The following CHD9 variants were observed in gnomAD, a reference collection of about 807,000 sequenced individuals.
CHD9 encodes ATP-dependent chromatin remodeler CHD9.
CHD9 carries 77 observed loss-of-function variants against 316.1 expected under a neutral mutation model. That is an observed-to-expected ratio of 0.24 (90% CI 0.20 to 0.29). The LOEUF is 0.29. CHD9 is among the 10% of genes least tolerant of loss of function. CHD9 has a pLI of 1.00. For missense variants in CHD9, 2,763 were observed against 3,438.1 expected (o/e 0.80, Z 4.91); for synonymous variants, 1,129 against 1,158.3 (o/e 0.97, Z 0.51).
In CHD9 at chr16:53,286,272, C is replaced by T. The variant is rs781186973; in HGVS notation, c.5118C>T (p.Phe1706=). ...TTCGAGCAGACCCAGCATTATGCTTCTTGGAAAGAGTGGGAAAACCTGATG... is the reference window on the plus strand; with the variant it reads ...TTCGAGCAGACCCAGCATTATGCTTTTTGGAAAGAGTGGGAAAACCTGATG... ...NTIRADPALC[F]LERVGKPDEK... Residue 1706 remains phenylalanine (F), a synonymous_variant, in exon 26 of 39, where the codon TTC becomes TTT. Coordinates refer to ENST00000447540, the MANE Select transcript of CHD9 (RefSeq NM_001308319.2). The T allele has an allele frequency of 4.3e-6, 7 of 1,613,082 alleles. No individual in the cohort carries two copies. In the Admixed American group the frequency reaches 6.7e-5, roughly 15 times the overall value.
chr16:53,061,174 G>T (rs1416423647), intron 1 of CHD9, among the ~76,000 whole-genome samples: 1 of 151,992 alleles, frequency 6.6e-6, no homozygotes, highest in East Asian at 1.9e-4. Flanking sequence ...TGATTCACCC[G>T]CCTTGGCCTC....
intron 1 of CHD9, among the ~76,000 whole-genome samples, chr16:53,138,781 A>G (rs1198388297): frequency 6.6e-6 from 1 of 152,256 alleles, no homozygotes; most frequent in Non-Finnish European, 1.5e-5. Flanking sequence ...TTATGGGGAC[A>G]AACTACAGAG....
intron 2 of CHD9, among the ~76,000 whole-genome samples, chr16:53,189,807 T>C (rs993418931): frequency 5.9e-5 from 9 of 152,104 alleles, no homozygotes; most frequent in African/African-American, 2.2e-4. Context: ...TACAGGATGA[T>C]AGCGGAGGTA....
intron 2 of CHD9, chr16:53,169,298 A>C (rs1057462675): frequency 6.6e-6 from 1 of 152,248 alleles, no homozygotes; most frequent in African/African-American, 2.4e-5. Flanking sequence ...GGCCTCAAGC[A>C]GCCCTCCCAC....
chr16:53,116,185 G>A (rs541875344), intron 1 of CHD9, among the ~76,000 whole-genome samples: 116 of 152,206 alleles, frequency 7.6e-4, no homozygotes, highest in African/African-American at 2.6e-3. Context: ...TGAGCCTCCC[G>A]AGCAGCTGAG....
intron 1 of CHD9, among the ~76,000 whole-genome samples, chr16:53,092,617 C>T (rs1354809110): frequency 6.6e-6 from 1 of 152,140 alleles, no homozygotes; most frequent in Non-Finnish European, 1.5e-5. Context: ...CTAGCAAACT[C>T]TGTGTCTGTT....
intron 20 of CHD9, among the ~76,000 whole-genome samples, chr16:53,265,047 A>C (rs1263928561): frequency 6.6e-6 from 1 of 152,208 alleles, no homozygotes; most frequent in Non-Finnish European, 1.5e-5. Flanking sequence ...TAAAAAATTA[A>C]GGACTTTTCT....
At chr16:53,059,433 C>T (rs1025677762) in intron 1 of CHD9, among the ~76,000 whole-genome samples, 2 of 152,052 alleles carry the variant, frequency 1.3e-5, no homozygotes, top group African/African-American at 4.8e-5. Context: ...GTGAGACCCC[C>T]ACCTCTATCT....
rs747476980 is a variant in CHD9, at chr16:53,071,743, G to A, written c.-165+16666G>A. ...CACCCCTCGGTCCTGCTCACCCTGCGGGGATTTTGTTGTCTGTCTTTCTGG... is the reference window on the plus strand; with the variant it reads ...CACCCCTCGGTCCTGCTCACCCTGCAGGGATTTTGTTGTCTGTCTTTCTGG... On this transcript the variant is annotated intron_variant, in intron 1 of 38. Coordinates refer to ENST00000447540, the MANE Select transcript of CHD9 (RefSeq NM_001308319.2). Among the ~76,000 whole-genome samples, 4 of 152,156 alleles carry A rather than the reference G, an allele frequency of 2.6e-5. No individual in the cohort carries two copies. In the South Asian group the frequency reaches 6.2e-4, roughly 24 times the overall value.
At chr16:53,073,778 G>T (rs1287466999) in intron 1 of CHD9, among the ~76,000 whole-genome samples, 1 of 152,184 alleles carries the variant, frequency 6.6e-6, no homozygotes, top group Non-Finnish European at 1.5e-5. Flanking sequence ...CCATAATTCT[G>T]AGGCCTCCTC....
chr16:53,294,273 T>C (rs148177179), intron 29 of CHD9, among the ~76,000 whole-genome samples: 199 of 152,338 alleles, frequency 1.3e-3, no homozygotes, highest in African/African-American at 4.3e-3. Context: ...CTCTGGAAGA[T>C]ATATTGTTCT....
rs1303521176 is a variant in CHD9 at position 53,304,609 on chromosome 16, A to G, written c.6603A>G (p.Glu2201=). 3.2e-6 allele frequency: 5 copies of G among 1,548,120 alleles called. No individual in the cohort carries two copies. Among genetic ancestry groups the G allele is most frequent in the East Asian group, 2.4e-5 (1 of 40,860 alleles). ...SSSEESDSDE[E]EAQKRESTTH... Reference sequence around the variant, plus strand: ...CAGAAGAAAGTGACAGTGATGAAGAAGAAGCCCAAAAACGAGGTACTATGC... The same window carrying G: ...CAGAAGAAAGTGACAGTGATGAAGAGGAAGCCCAAAAACGAGGTACTATGC... The change falls in exon 31 of 39, where the codon GAA becomes GAG. Residue 2201 remains glutamate (E), a synonymous_variant. Transcript: ENST00000447540.
chr16:53,097,973 A>C (rs1247808706), intron 1 of CHD9, among the ~76,000 whole-genome samples: 1 of 151,790 alleles, frequency 6.6e-6, no homozygotes, highest in Non-Finnish European at 1.5e-5. Flanking sequence ...TACAAAAATT[A>C]GCCAGGTGTG....
chr16:53,255,854 T>G, intron 19 of CHD9, 75 bp downstream of exon 19: 1 of 1,331,200 alleles, frequency 7.5e-7, no homozygotes. Context: ...TAATTATCTC[T>G]TATACCGAAT....
At chr16:53,319,070 CTTGTT>C (rs1371110415) in intron 37 of CHD9, among the ~76,000 whole-genome samples, 1 of 152,134 alleles carries the variant, frequency 6.6e-6, no homozygotes, top group Non-Finnish European at 1.5e-5. Context: ...ACATAGATTT[CTTGTT>C]TTATGTTTGG....
chr16:53,055,349 C>T (rs73594414), intron 1 of CHD9, among the ~76,000 whole-genome samples: 8,926 of 152,214 alleles, frequency 0.059, 880 homozygotes, highest in African/African-American at 0.2. Context: ...GTCCTCGAAG[C>T]GGAAAGCAGC....
intron 17 of CHD9, among the ~76,000 whole-genome samples, chr16:53,251,175 T>A (rs1286703863): frequency 1.3e-5 from 2 of 152,182 alleles, no homozygotes; most frequent in Middle Eastern, 3.2e-3. Flanking sequence ...TTTGTCATAA[T>A]CCTTTAAAAA....
rs2152956476 is a variant in CHD9 at position 53,245,574 on chromosome 16, T to C, written c.3199-21T>C. Reference sequence around the variant, plus strand: ...TAAATGCTCACTTATGTTATATGTCTTTTTATCATTTTTTATTCAGGTACA... The same window carrying C: ...TAAATGCTCACTTATGTTATATGTCCTTTTATCATTTTTTATTCAGGTACA... On this transcript the variant is annotated intron_variant, in intron 14 of 38. Transcript: ENST00000447540. The surrounding 1 kb of genome is among the most constrained non-coding windows in gnomAD (Gnocchi z 4.1). The C allele has an allele frequency of 6.5e-7, 1 of 1,538,646 alleles. No homozygotes were observed. Among genetic ancestry groups the C allele is most frequent in the East Asian group, 2.3e-5 (1 of 44,126 alleles).
chr16:53,216,129 T>C (rs1274672955), intron 3 of CHD9, among the ~76,000 whole-genome samples: 5 of 152,230 alleles, frequency 3.3e-5, no homozygotes, highest in Non-Finnish European at 7.3e-5. Flanking sequence ...TATTTCTCCT[T>C]AGACTAGCAA....
Sources: allele counts gnomAD v4.1 joint callset (sites outside exome capture counted in the v4.1 genomes callset), GRCh38; gene constraint gnomAD v4.1.1; non-coding constraint Gnocchi (gnomAD v3.1); transcripts MANE v1.5; gene names NCBI Gene and HGNC (gene_info 2026-07-23, HGNC 2026-07-21).